The following SUDS3 variants were observed in gnomAD, a reference collection of about 807,000 sequenced individuals.
SUDS3 encodes the protein sin3 histone deacetylase corepressor complex component SDS3.
Under a neutral mutation model 53.5 loss-of-function variants are expected in SUDS3, and 23 were observed. That is an observed-to-expected ratio of 0.43 (90% confidence interval 0.31 to 0.61). SUDS3 has a LOEUF of 0.61. SUDS3 is among the 20% of genes least tolerant of loss of function. The pLI is 0.10. For missense variants in SUDS3, 291 were observed against 405.9 expected, an observed-to-expected ratio of 0.72 and a Z score of 2.43; for synonymous variants, 150 against 148.5, an observed-to-expected ratio of 1.01 and a Z score of -0.08.
chr12:118,388,571 G>A (rs1489457518), intron 4 of SUDS3, among the ~76,000 whole-genome samples: 1 of 152,168 alleles, frequency 6.6e-6, no homozygotes, highest in African/African-American at 2.4e-5. Context: ...TCCGGCACAT[G>A]GTAGGTGCTA....
At chr12:118,377,266 A>G (rs2046007992) in intron 1 of SUDS3, among the ~76,000 whole-genome samples, 2 of 151,914 alleles carry the variant, frequency 1.3e-5, no homozygotes, top group Non-Finnish European at 2.9e-5. Flanking sequence ...GTAGTACACT[A>G]TTGAGAACTC....
At chr12:118,377,660 A>G (rs1363111985) in intron 1 of SUDS3, among the ~76,000 whole-genome samples, 2 of 152,130 alleles carry the variant, frequency 1.3e-5, no homozygotes, top group Non-Finnish European at 2.9e-5. Flanking sequence ...TAATTTGGCA[A>G]GTGTGAGGAA....
In SUDS3 at chr12:118,376,703, G is replaced by A. The variant is rs1179453321; in HGVS notation, c.12G>A (p.Ala4=). The A allele has an allele frequency of 1.3e-6, 2 of 1,514,300 alleles. No individual in the cohort carries two copies. The highest frequency in any genetic ancestry group is 1.2e-5 in the South Asian group (1 of 81,484). 93.8% of individuals were successfully genotyped at this position (1,514,300 alleles called of 1,614,324 possible). The change falls in exon 1 of 12, where the codon GCG becomes GCA. Residue 4 remains alanine (A), a synonymous_variant. Coordinates refer to ENST00000543473, the MANE Select transcript of SUDS3 (RefSeq NM_022491.3). MSA[A]GLLAPAPAQA... ...CGGTCAGAGGCGACATGAGTGCCGC[G>A]GGGCTGCTGGCCCCGGCCCCGGCCC...
intron 3 of SUDS3, 130 bp downstream of exon 3, chr12:118,384,197 C>A: frequency 2.3e-6 from 2 of 886,228 alleles, no homozygotes; most frequent in Admixed American, 2.7e-5. Flanking sequence ...CTATCCAGTA[C>A]ATTTTGCTAT....
chr12:118,407,750 G>T (rs376348091), intron 10 of SUDS3, among the ~76,000 whole-genome samples: 3 of 146,148 alleles, frequency 2.1e-5, no homozygotes, highest in Non-Finnish European at 4.5e-5. Context: ...ACAGAGTCTC[G>T]CTCTGTCGCC....
intron 10 of SUDS3, among the ~76,000 whole-genome samples, chr12:118,408,681 GTTT>G (rs910168891): frequency 2.7e-5 from 4 of 150,798 alleles, no homozygotes; most frequent in African/African-American, 9.7e-5. Flanking sequence ...AGTTGACATA[GTTT>G]TTTTTGGTTT....
At chr12:118,413,307 CTG>C (rs778541023) in intron 11 of SUDS3, among the ~76,000 whole-genome samples, 69 of 152,280 alleles carry the variant, frequency 4.5e-4, no homozygotes, top group Non-Finnish European at 8.8e-4. Flanking sequence ...TTTCAAAAAA[CTG>C]TGCTTTTGGC....
rs1320107955 is a variant in SUDS3, at chr12:118,417,298, AGACCCTGTGTTCAG to A, written c.*2869_*2882del. ...ATCAAGCTACATGTATTTGTGTATA[AGACCCTGTGTTCAG>A]GACTGGGTGACTTTTCTAAGAAATA... On this transcript the variant is annotated 3_prime_UTR_variant, in exon 12 of 12. Coordinates refer to ENST00000543473, the MANE Select transcript of SUDS3 (RefSeq NM_022491.3). 7 of 152,338 alleles carry A rather than the reference AGACCCTGTGTTCAG, an allele frequency of 4.6e-5. No homozygotes were observed. The highest frequency in any genetic ancestry group is 1.4e-4 in the African/African-American group (6 of 41,582). 9.4% of individuals were successfully genotyped at this position (152,338 alleles called of 1,614,324 possible).
chr12:118,408,556 ACTC>A (rs773293184), intron 10 of SUDS3, among the ~76,000 whole-genome samples: 1 of 144,168 alleles, frequency 6.9e-6, no homozygotes, highest in Non-Finnish European at 1.5e-5. Context: ...CTGGTCTTGA[ACTC>A]CTGACCTCAA....
At chr12:118,386,069 G>C (rs1001121975) in intron 3 of SUDS3, 45 bp from the exon 4 acceptor site, 2 of 1,453,880 alleles carry the variant, frequency 1.4e-6, no homozygotes, top group Non-Finnish European at 1.9e-6. Flanking sequence ...ATGTAGAGCA[G>C]ATTTATATTC....
At chr12:118,403,800 A>G (rs545495263) in intron 10 of SUDS3, among the ~76,000 whole-genome samples, 3 of 152,200 alleles carry the variant, frequency 2.0e-5, no homozygotes, top group South Asian at 2.1e-4. Flanking sequence ...ACCCCTGCCA[A>G]CTGGGGCTGG....
intron 5 of SUDS3, among the ~76,000 whole-genome samples, chr12:118,390,424 G>T (rs1378702845): frequency 1.3e-5 from 2 of 152,242 alleles, no homozygotes; most frequent in Admixed American, 6.5e-5. Flanking sequence ...CCTGAATCTT[G>T]AATGATGTAC....
In SUDS3 at chr12:118,399,644, T is replaced by G. The variant is rs149467164; in HGVS notation, c.518-1015T>G. Among the ~76,000 whole-genome samples the G allele has an allele frequency of 5.4e-3, 824 of 151,880 alleles. 4 individuals are homozygous for G. The highest frequency in any genetic ancestry group is 0.024 in the Middle Eastern group (7 of 292). The stretch of plus-strand genomic sequence containing the variant: ...GCCGTGGAGGTAGCCAGTGAAAGGA[T>G]GAAGGGATGGAGTGGAGGCAGGACC... On this transcript the variant is annotated intron_variant, in intron 6 of 11. Coordinates refer to ENST00000543473, the MANE Select transcript of SUDS3 (RefSeq NM_022491.3).
Position 118,400,773 on chromosome 12 carries a change from C to A in SUDS3, c.613+19C>A, listed in dbSNP as rs976387757. On this transcript the variant is annotated intron_variant, in intron 7 of 11. Transcript: ENST00000543473. ...GCTCCAGATATCCATTTACATCAAG[C>A]CTTAACCGCCTTTCTTTTTTAAGAC... 8 of 1,607,882 alleles carry A rather than the reference C, an allele frequency of 5.0e-6. No homozygotes were observed. Among genetic ancestry groups the A allele is most frequent in the Non-Finnish European group, 6.8e-6 (8 of 1,174,458 alleles).
chr12:118,385,351 C>T (rs1219249790), intron 3 of SUDS3, among the ~76,000 whole-genome samples: 8 of 152,164 alleles, frequency 5.3e-5, no homozygotes, highest in South Asian at 2.1e-4. Flanking sequence ...TCAGGTGATC[C>T]GCCCACCTCA....
chr12:118,402,136 A>G, intron 9 of SUDS3, 132 bp downstream of exon 9: 2 of 988,860 alleles, frequency 2.0e-6, no homozygotes, highest in East Asian at 4.9e-5. Flanking sequence ...AGTAGTCATC[A>G]TGAAAACTGA....
chr12:118,402,691 A>G (rs507517), intron 9 of SUDS3: 132,692 of 152,096 alleles, frequency 0.87, 58,279 homozygotes, highest in East Asian at 0.99. Flanking sequence ...AGACATCCTG[A>G]CCTTCTGAGG....
At chr12:118,381,456 C>T (rs528865402) in intron 2 of SUDS3, among the ~76,000 whole-genome samples, 4 of 152,136 alleles carry the variant, frequency 2.6e-5, no homozygotes, top group South Asian at 2.1e-4. Context: ...GATCTCGGCT[C>T]ACTGCAACCT....
Position 118,376,848 on chromosome 12 carries a change from T to A in SUDS3, c.142+15T>A. On this transcript the variant is annotated intron_variant, in intron 1 of 11. Transcript: ENST00000543473. ...GTCGGACGAAGGTGAGTCCTGCCGC[T>A]CGCCCGGCCGCCCGGAGCGGAGGTG... 1.5e-6 allele frequency: 2 copies of A among 1,335,438 alleles called. No homozygotes were observed. Among genetic ancestry groups the A allele is most frequent in the Non-Finnish European group, 1.9e-6 (2 of 1,026,744 alleles). The allele number at this position is 1,335,438 out of a possible 1,614,324, so 82.7% of individuals were successfully genotyped here.
Sources: allele counts gnomAD v4.1 joint callset (sites outside exome capture counted in the v4.1 genomes callset), GRCh38; gene constraint gnomAD v4.1.1; transcripts MANE v1.5; gene names NCBI Gene and HGNC (gene_info 2026-07-23, HGNC 2026-07-21).